The following CDKN2AIP variants were observed in gnomAD, a reference collection of about 807,000 sequenced individuals.
CDKN2AIP encodes the protein CDKN2A interacting protein.
Under a neutral mutation model 44.1 loss-of-function variants are expected in CDKN2AIP, and 12 were observed. That is an observed-to-expected ratio of 0.27 (90% CI 0.17 to 0.44). The LOEUF is 0.44. CDKN2AIP is among the 20% of genes least tolerant of loss of function. The pLI, the probability that CDKN2AIP is intolerant of heterozygous loss-of-function variation, is 1.00. For missense variants in CDKN2AIP, 705 were observed against 681.6 expected (o/e 1.03, Z -0.38); for synonymous variants, 291 against 272.1 (o/e 1.07, Z -0.68).
chr4:183,445,198 C>T, intron 1 of CDKN2AIP, 129 bp downstream of exon 1: 4 of 1,196,330 alleles, frequency 3.3e-6, no homozygotes, highest in East Asian at 4.9e-5. Context: ...ATCCGCCGGC[C>T]CGGCTGCCCT....
In CDKN2AIP at chr4:183,446,783, G is replaced by A; in HGVS notation, c.1099G>A (p.Ala367Thr). 1 of 1,614,150 alleles carries A rather than the reference G, an allele frequency of 6.2e-7. No individual in the cohort carries two copies. The highest frequency in any genetic ancestry group is 1.3e-5 in the African/African-American group (1 of 75,046). ...LLTSKSTSQVAASLLASKSSS... is the reference protein window; with the variant it reads ...LLTSKSTSQVTASLLASKSSS... ...AACTTCCAAGAGCACTTCCCAGGTA[G>A]CTGCATCACTACTAGCTTCCAAGAG... Residue 367 changes from alanine (A) to threonine (T), a missense_variant, in exon 3 of 3, where the codon GCT (alanine) becomes ACT (threonine). Physicochemically the swap from Ala to Thr is moderately conservative, Grantham distance 58 (BLOSUM62 0). Around this residue, in one of 2 missense-constraint regions of CDKN2AIP, gnomAD observed 592 missense variants for 518.0 expected, o/e 1.14. Transcript: ENST00000504169.
At chr4:183,445,386 CT>C (rs1733645007) in intron 1 of CDKN2AIP, 148 bp from the exon 2 acceptor site, 1 of 675,628 alleles carries the variant, frequency 1.5e-6, no homozygotes, top group African/African-American at 1.8e-5. Context: ...CCCTGGGGCA[CT>C]TGTTTATGGG....
In CDKN2AIP at chr4:183,447,113, A is replaced by G; in HGVS notation, c.1429A>G (p.Thr477Ala). The change falls in exon 3 of 3, where the codon ACA becomes GCA. Residue 477 changes from threonine (T) to alanine (A), a missense_variant. Around this residue, in one of 2 missense-constraint regions of CDKN2AIP, gnomAD observed 113 missense variants for 163.6 expected, o/e 0.69. Transcript: ENST00000504169. ...LNAAIEALKA[T>A]LDVFFVPLKE... ...TGCAGCTATTGAGGCTCTGAAAGCAACACTGGATGTATTTTTTGTCCCACT... is the reference window on the plus strand; with the variant it reads ...TGCAGCTATTGAGGCTCTGAAAGCAGCACTGGATGTATTTTTTGTCCCACT... 1 of 1,614,042 alleles carries G rather than the reference A, an allele frequency of 6.2e-7. No homozygotes were observed. The highest frequency in any genetic ancestry group is 8.5e-7 in the Non-Finnish European group (1 of 1,179,890).
chr4:183,444,871 A>T lies in CDKN2AIP; in HGVS notation c.74A>T (p.Asp25Val), dbSNP rs1733627603. The T allele has an allele frequency of 1.3e-6, 2 of 1,593,890 alleles. No homozygotes were observed. Among genetic ancestry groups the T allele is most frequent in the South Asian group, 1.1e-5 (1 of 89,092 alleles). The stretch of plus-strand genomic sequence containing the variant: ...GCCTGGGTGGAGGCGCTGCGCTGCG[A>T]CGGCGAGACTGACAAACACTGGCGC... ...VAAWVEALRCDGETDKHWRHR... is the reference protein window; with the variant it reads ...VAAWVEALRCVGETDKHWRHR... Residue 25 changes from aspartate to valine, a missense_variant, in exon 1 of 3, where the codon GAC (aspartate) becomes GTC (valine). By Grantham distance (152) the Asp-to-Val change is radical (BLOSUM62 -3). Around this residue, in one of 2 missense-constraint regions of CDKN2AIP, gnomAD observed 592 missense variants for 518.0 expected, o/e 1.14. Coordinates refer to ENST00000504169, the MANE Select transcript of CDKN2AIP (RefSeq NM_017632.4).
At position 183,444,929 on chromosome 4, in the gene CDKN2AIP, G is replaced by C; in HGVS notation, c.132G>C (p.Gly44=). ...GGGATTTTTTGCTTCGCAACGCCGG[G>C]GACCTGGCCCCCGCTGGCGGCGCTG... ...HRRDFLLRNA[G]DLAPAGGAAS... is the part of the protein sequence containing the mutation. The change falls in exon 1 of 3, where the codon GGG becomes GGC. Residue 44 remains glycine, a synonymous_variant. Coordinates refer to ENST00000504169, the MANE Select transcript of CDKN2AIP (RefSeq NM_017632.4). 6.2e-7 allele frequency: 1 copy of C among 1,611,252 alleles called. No homozygotes were observed. The highest frequency in any genetic ancestry group is 8.5e-7 in the Non-Finnish European group (1 of 1,178,914).
Position 183,445,042 on chromosome 4 carries a change from G to C in CDKN2AIP, c.245G>C (p.Trp82Ser). Residue 82 changes from tryptophan (W) to serine (S), a missense_variant, in exon 1 of 3, where the codon TGG (tryptophan) becomes TCG (serine). Trp to Ser is a radical substitution (Grantham distance 177). Around this residue, in one of 2 missense-constraint regions of CDKN2AIP, gnomAD observed 592 missense variants for 518.0 expected, o/e 1.14. Coordinates refer to ENST00000504169, the MANE Select transcript of CDKN2AIP (RefSeq NM_017632.4). ...CAGCTCATCTCCTTTTCCATGGCCTGGGCGAACCACGTCTTCCTCGGGTGC... is the reference window on the plus strand; with the variant it reads ...CAGCTCATCTCCTTTTCCATGGCCTCGGCGAACCACGTCTTCCTCGGGTGC... ...LQQLISFSMA[W>S]ANHVFLGCRY... 6.3e-7 allele frequency: 1 copy of C among 1,594,152 alleles called. No individual in the cohort carries two copies. The highest frequency in any genetic ancestry group is 8.6e-7 in the Non-Finnish European group (1 of 1,165,026).
In CDKN2AIP at chr4:183,448,442, A is replaced by G. The variant is rs1733729516; in HGVS notation, c.*1015A>G. Among the ~76,000 whole-genome samples the G allele has an allele frequency of 6.6e-6, 1 of 152,198 alleles. No individual in the cohort carries two copies. The highest frequency in any genetic ancestry group is 1.5e-5 in the Non-Finnish European group (1 of 68,016). ...CCGGAAAGAACAGAGAGCCGTGTTCAGCTCTTGATAATGAGCCTATTCAAT... is the reference window on the plus strand; with the variant it reads ...CCGGAAAGAACAGAGAGCCGTGTTCGGCTCTTGATAATGAGCCTATTCAAT... On this transcript the variant is annotated 3_prime_UTR_variant, in exon 3 of 3. Coordinates refer to ENST00000504169, the MANE Select transcript of CDKN2AIP (RefSeq NM_017632.4).
Position 183,444,710 on chromosome 4 carries a change from C to A in CDKN2AIP, c.-88C>A. 7.5e-7 allele frequency: 1 copy of A among 1,337,666 alleles called. No individual in the cohort carries two copies. Among genetic ancestry groups the A allele is most frequent in the Non-Finnish European group, 9.9e-7 (1 of 1,010,114 alleles). The allele number at this position is 1,337,666 out of a possible 1,614,324, so 82.9% of individuals were successfully genotyped here. On this transcript the variant is annotated 5_prime_UTR_variant, in exon 1 of 3. Transcript: ENST00000504169. ...CGGAGGGGCGTTATCTGGAGGGCCG[C>A]GGGTGCAGGCCGCAGTGACAGGGCC...
Position 183,446,713 on chromosome 4 carries a change from C to T in CDKN2AIP, c.1029C>T (p.Ser343=), listed in dbSNP as rs200734110. 3.5e-5 allele frequency: 57 copies of T among 1,614,084 alleles called. No homozygotes were observed. Among genetic ancestry groups the T allele is most frequent in the Admixed American group, 1.7e-5 (1 of 60,006 alleles). The stretch of plus-strand genomic sequence containing the variant: ...AAAACAGTTCCTCATCAGGCACATC[C>T]TTACTGACTCCCAAGAGCAGCTCTT... ...VAKNSSSSGT[S]LLTPKSSSST... Residue 343 remains serine (S), a synonymous_variant, in exon 3 of 3, where the codon TCC becomes TCT. Coordinates refer to ENST00000504169, the MANE Select transcript of CDKN2AIP (RefSeq NM_017632.4).
Position 183,446,139 on chromosome 4 carries a change from C to T in CDKN2AIP, c.455C>T (p.Ser152Phe), listed in dbSNP as rs916305105. 5.6e-6 allele frequency: 9 copies of T among 1,613,712 alleles called. No homozygotes were observed. The highest frequency in any genetic ancestry group is 1.1e-5 in the South Asian group (1 of 91,026). Residue 152 changes from serine (S) to phenylalanine (F), a missense_variant, in exon 3 of 3, where the codon TCT (serine) becomes TTT (phenylalanine). Ser to Phe is a radical substitution (Grantham distance 155). This residue lies in a region of CDKN2AIP where 592 missense variants were observed against 518.0 expected (regional missense o/e 1.14). Transcript: ENST00000504169. ...CGAGTTATAGAAGGAAAAAACAGTT[C>T]TGCAGTTGAGCAAGATCACGCAAAA... ...KKRVIEGKNSSAVEQDHAKTS... is the reference protein window; with the variant it reads ...KKRVIEGKNSFAVEQDHAKTS...
At position 183,446,564 on chromosome 4, in the gene CDKN2AIP, G is replaced by C; in HGVS notation, c.880G>C (p.Gly294Arg). The C allele has an allele frequency of 1.2e-6, 2 of 1,614,072 alleles. No homozygotes were observed. The highest frequency in any genetic ancestry group is 1.7e-6 in the Non-Finnish European group (2 of 1,179,968). ...SSSEIEVPLL[G>R]SSGSSEVELP... ...CTCAGAGATCGAGGTGCCCTTGTTGGGCTCCTCAGGAAGCTCAGAGGTAGA... is the reference window on the plus strand; with the variant it reads ...CTCAGAGATCGAGGTGCCCTTGTTGCGCTCCTCAGGAAGCTCAGAGGTAGA... Residue 294 changes from glycine to arginine, a missense_variant, in exon 3 of 3, where the codon GGC becomes CGC. By Grantham distance (125) the Gly-to-Arg change is moderately radical. This residue lies in a region of CDKN2AIP where 592 missense variants were observed against 518.0 expected (regional missense o/e 1.14). Transcript: ENST00000504169.
chr4:183,448,052 A>T lies in CDKN2AIP; in HGVS notation c.*625A>T, dbSNP rs1338008139. ...CGCTGAAGATTCTTTAAGCGGGTTA[A>T]TTTATGTTTTGAGGTGGAATACAAT... On this transcript the variant is annotated 3_prime_UTR_variant, in exon 3 of 3. Transcript: ENST00000504169. The T allele has an allele frequency of 6.6e-6, 1 of 152,196 alleles. No homozygotes were observed. The highest frequency in any genetic ancestry group is 1.5e-5 in the Non-Finnish European group (1 of 68,000). The allele number at this position is 152,196 out of a possible 1,614,324, so 9.4% of individuals were successfully genotyped here.
chr4:183,445,682 T>C lies in CDKN2AIP; in HGVS notation c.403+17T>C, dbSNP rs756211383. On this transcript the variant is annotated intron_variant, in intron 2 of 2. Transcript: ENST00000504169. ...GTAGCAATGGTTAGCAGATCATAGA[T>C]GTGAACATACATAGGAGTTTAGAGC... The C allele has an allele frequency of 1.9e-6, 3 of 1,600,900 alleles. No individual in the cohort carries two copies. The highest frequency in any genetic ancestry group is 2.2e-5 in the East Asian group (1 of 44,810).
At position 183,447,602 on chromosome 4, in the gene CDKN2AIP, C is replaced by T; in HGVS notation, c.*175C>T. 1 of 493,566 alleles carries T rather than the reference C, an allele frequency of 2.0e-6. No individual in the cohort carries two copies. Among genetic ancestry groups the T allele is most frequent in the South Asian group, 3.9e-5 (1 of 25,324 alleles). 30.6% of individuals were successfully genotyped at this position (493,566 alleles called of 1,614,324 possible). On this transcript the variant is annotated 3_prime_UTR_variant, in exon 3 of 3. Coordinates refer to ENST00000504169, the MANE Select transcript of CDKN2AIP (RefSeq NM_017632.4). Reference sequence around the variant, plus strand: ...GCAGTTGTAAATAATTTATGAATGACAGTACACATTAAAAGGTATGCATTA... The same window carrying T: ...GCAGTTGTAAATAATTTATGAATGATAGTACACATTAAAAGGTATGCATTA...
Position 183,446,658 on chromosome 4 carries a change from C to T in CDKN2AIP, c.974C>T (p.Ser325Leu), listed in dbSNP as rs368122042. 11 of 1,614,050 alleles carry T rather than the reference C, an allele frequency of 6.8e-6. No individual in the cohort carries two copies. The highest frequency in any genetic ancestry group is 9.3e-6 in the Non-Finnish European group (11 of 1,179,884). The change falls in exon 3 of 3, where the codon TCA (serine) becomes TTA (leucine). Residue 325 changes from serine (S) to leucine (L), a missense_variant. By Grantham distance (145) the Ser-to-Leu change is moderately radical. This residue lies in a region of CDKN2AIP where 592 missense variants were observed against 518.0 expected (regional missense o/e 1.14). Coordinates refer to ENST00000504169, the MANE Select transcript of CDKN2AIP (RefSeq NM_017632.4). ...ASSGLTSKTSSEASVSSSVAK... is the reference protein window; with the variant it reads ...ASSGLTSKTSLEASVSSSVAK... ...AGTGGGTTAACTTCCAAAACTAGTT[C>T]AGAGGCAAGTGTTTCATCATCAGTT...
At position 183,445,625 on chromosome 4, in the gene CDKN2AIP, G is replaced by A. The variant is rs1733650864; in HGVS notation, c.363G>A (p.Leu121=). 6.2e-7 allele frequency: 1 copy of A among 1,610,162 alleles called. No individual in the cohort carries two copies. The highest frequency in any genetic ancestry group is 8.5e-7 in the Non-Finnish European group (1 of 1,176,360). The change falls in exon 2 of 3, where the codon CTG becomes CTA. Residue 121 remains leucine, a synonymous_variant. Coordinates refer to ENST00000504169, the MANE Select transcript of CDKN2AIP (RefSeq NM_017632.4). The part of the protein sequence containing the change: ...DAPTYTTRDE[L]VAKVKKRGIS... Reference sequence around the variant, plus strand: ...CAACCTATACAACAAGAGATGAACTGGTTGCCAAGGTGAAGAAAAGAGGGA... The same window carrying A: ...CAACCTATACAACAAGAGATGAACTAGTTGCCAAGGTGAAGAAAAGAGGGA...
rs1733734324 is a variant in CDKN2AIP at position 183,448,654 on chromosome 4, G to C, written c.*1227G>C. 6.6e-6 allele frequency among the ~76,000 whole-genome samples: 1 copy of C among 152,078 alleles called. No individual in the cohort carries two copies. Among genetic ancestry groups the C allele is most frequent in the Admixed American group, 6.6e-5 (1 of 15,264 alleles). On this transcript the variant is annotated 3_prime_UTR_variant, in exon 3 of 3. Coordinates refer to ENST00000504169, the MANE Select transcript of CDKN2AIP (RefSeq NM_017632.4). ...ATTGAGCAATAATGGTGATAATATA[G>C]AGAGAAAAGAAAGACCTTTCATGGG... is the stretch of plus-strand genomic sequence containing the variant.
intron 1 of CDKN2AIP, 58 bp from the exon 2 acceptor site, chr4:183,445,477 G>GCACAA (rs2111225094): frequency 7.5e-7 from 1 of 1,338,984 alleles, no homozygotes; most frequent in Admixed American, 2.3e-5. Flanking sequence ...CCTGTTTTTT[G>GCACAA]CACAAGTAGG....
Position 183,445,009 on chromosome 4 carries a change from A to G in CDKN2AIP, c.212A>G (p.Gln71Arg), listed in dbSNP as rs1243529192. The G allele has an allele frequency of 4.4e-6, 7 of 1,601,258 alleles. No individual in the cohort carries two copies. The highest frequency in any genetic ancestry group is 5.1e-6 in the Non-Finnish European group (6 of 1,172,552). The change falls in exon 1 of 3, where the codon CAG becomes CGG. Residue 71 changes from glutamine (Q) to arginine (R), a missense_variant. Physicochemically the swap from Gln to Arg is conservative, Grantham distance 43. Around this residue, in one of 2 missense-constraint regions of CDKN2AIP, gnomAD observed 592 missense variants for 518.0 expected, o/e 1.14. Transcript: ENST00000504169. ...ADAESGTRNR[Q>R]LQQLISFSMA... is the part of the protein sequence containing the mutation. ...GCCGAGAGCGGGACCCGAAACCGGC[A>G]GCTGCAGCAGCTCATCTCCTTTTCC...
Sources: gnomAD v4.1 joint callset for allele counts (sites outside exome capture counted in the v4.1 genomes callset) on GRCh38, gnomAD v4.1.1 for gene constraint, gnomAD v4.1.1 regional missense constraint, MANE v1.5 for transcripts, NCBI Gene and HGNC (gene_info 2026-07-23, HGNC 2026-07-21) for gene names.